Variants in ETS2 observed in about 807,000 individuals in gnomAD.
The protein encoded by ETS2 is ETS proto-oncogene 2, transcription factor.
Under a neutral mutation model 54.9 loss-of-function variants are expected in ETS2, and 19 were observed. The ratio of observed to expected loss-of-function variants is 0.35; its 90% CI spans 0.24 to 0.51. ETS2 has a LOEUF of 0.51. Ranked by LOEUF, ETS2 falls within the 20% of genes least tolerant of loss-of-function variation. The pLI is 0.97. For synonymous variants in ETS2, 219 were observed against 229.3 expected (o/e 0.95, Z 0.41); for missense variants, 417 against 593.0 (o/e 0.70, Z 3.08).
chr21:38,807,907 G>C (rs913382114), intron 1 of ETS2, among the ~76,000 whole-genome samples: 2 of 152,188 alleles, frequency 1.3e-5, no homozygotes, highest in African/African-American at 4.8e-5. Context: ...TCTGTTTGAG[G>C]CTTGTTTATT....
rs2060893402 is a variant in ETS2, at chr21:38,806,445, T to TA, written c.-1+329dup. 1 of 985,492 alleles carries TA rather than the reference T, an allele frequency of 1.0e-6. No individual in the cohort carries two copies. Among genetic ancestry groups the TA allele is most frequent in the East Asian group, 1.1e-4 (1 of 8,786 alleles). The allele number at this position is 985,492 out of a possible 1,614,324, so 61.0% of individuals were successfully genotyped here. Reference sequence around the variant, plus strand: ...GGCTTGTTTCGCTCGCTTTTGTTTTTAAAAGGAAACGCAGGCCTGGTAGGG... The same window carrying TA: ...GGCTTGTTTCGCTCGCTTTTGTTTTTAAAAAGGAAACGCAGGCCTGGTAGGG... On this transcript the variant is annotated intron_variant, in intron 1 of 9. Transcript: ENST00000360938. This position sits in a 1 kb window ranked among gnomAD's most constrained non-coding sequence, Gnocchi z 4.3.
In ETS2 at chr21:38,806,520, G is replaced by C; in HGVS notation, c.-1+400G>C. 1.0e-6 allele frequency: 1 copy of C among 985,506 alleles called. No homozygotes were observed. Among genetic ancestry groups the C allele is most frequent in the South Asian group, 4.7e-5 (1 of 21,296 alleles). The allele number at this position is 985,506 out of a possible 1,614,324, so 61.0% of individuals were successfully genotyped here. ...CGAACATGATTTCGCGAACGGGAGT[G>C]GGGGCACAGGAGAGCGTGTCCGAGG... On this transcript the variant is annotated intron_variant, in intron 1 of 9. Transcript: ENST00000360938. This position sits in a 1 kb window ranked among gnomAD's most constrained non-coding sequence, Gnocchi z 4.3.
chr21:38,810,256 T>C, intron 2 of ETS2, 150 bp downstream of exon 2: 1 of 530,040 alleles, frequency 1.9e-6, no homozygotes, highest in Non-Finnish European at 3.3e-6. Flanking sequence ...GCTTACTTGC[T>C]CTGGTCCTCA....
intron 6 of ETS2, among the ~76,000 whole-genome samples, chr21:38,817,756 G>C (rs961574129): frequency 2.6e-5 from 4 of 152,180 alleles, no homozygotes; most frequent in African/African-American, 9.7e-5. Context: ...GGGGTCCTCG[G>C]AACAGCAGGC....
intron 2 of ETS2, among the ~76,000 whole-genome samples, chr21:38,811,664 C>T (rs1488734054): frequency 1.3e-5 from 2 of 152,166 alleles, no homozygotes; most frequent in African/African-American, 2.4e-5. Flanking sequence ...ATGAGTCTTA[C>T]ATTAAAAGGT....
chr21:38,814,196 TA>T lies in ETS2; in HGVS notation c.185-75del, dbSNP rs1217207376. On this transcript the variant is annotated intron_variant, in intron 3 of 9. Transcript: ENST00000360938. The surrounding 1 kb of genome is among the most constrained non-coding windows in gnomAD (Gnocchi z 4.2). ...ATCAAAATTGTTCTTTTCCAAAAACTAAGATGTCTCTCCTAAATCTCCACCT... is the reference window on the plus strand; with the variant it reads ...ATCAAAATTGTTCTTTTCCAAAAACTAGATGTCTCTCCTAAATCTCCACCT... 2.1e-6 allele frequency: 3 copies of T among 1,457,360 alleles called. No homozygotes were observed. The allele number at this position is 1,457,360 out of a possible 1,614,324, so 90.3% of individuals were successfully genotyped here.
chr21:38,818,370 G>C (rs1357102105), intron 6 of ETS2, 55 bp from the exon 7 acceptor site: 2 of 1,611,004 alleles, frequency 1.2e-6, no homozygotes, highest in Non-Finnish European at 1.7e-6. Context: ...GTAGGGGTTA[G>C]TTACTGGGGT....
In ETS2 at chr21:38,822,681, G is replaced by A. The variant is rs1252271782; in HGVS notation, c.1202G>A (p.Arg401His). ...CATCCATGTTCACCAAAGGTGGCCC[G>A]CCGGTGGGGAAAGAGGAAAAATAAG... ...FKLADPDEVA[R>H]RWGKRKNKPK... The change falls in exon 10 of 10, where the codon CGC (arginine) becomes CAC (histidine). Residue 401 changes from arginine to histidine, a missense_variant. Arg to His is a conservative substitution (Grantham distance 29, BLOSUM62 0). Transcript: ENST00000360938. 2.3e-5 allele frequency: 37 copies of A among 1,613,026 alleles called. No homozygotes were observed. Among genetic ancestry groups the A allele is most frequent in the Non-Finnish European group, 3.0e-5 (35 of 1,179,478 alleles).
At chr21:38,815,258 T>C (rs2060928753) in intron 5 of ETS2, among the ~76,000 whole-genome samples, 1 of 152,112 alleles carries the variant, frequency 6.6e-6, no homozygotes, top group Non-Finnish European at 1.5e-5. Context: ...TTGTTTGCTA[T>C]TGCTGGCTGT....
chr21:38,814,463 T>G lies in ETS2; in HGVS notation c.304+71T>G. ...TTCAGTGCAGTTGTTTGATCTTGAC[T>G]TGTTTATTAAGCTTTTGCTTGGGGT... On this transcript the variant is annotated intron_variant, in intron 4 of 9. Coordinates refer to ENST00000360938, the MANE Select transcript of ETS2 (RefSeq NM_005239.6). The surrounding 1 kb of genome is among the most constrained non-coding windows in gnomAD (Gnocchi z 4.2). The G allele has an allele frequency of 6.3e-7, 1 of 1,577,358 alleles. No individual in the cohort carries two copies.
chr21:38,806,074 A>T lies in ETS2; in HGVS notation c.-47A>T. On this transcript the variant is annotated 5_prime_UTR_variant, in exon 1 of 10. Transcript: ENST00000360938. This position sits in a 1 kb window ranked among gnomAD's most constrained non-coding sequence, Gnocchi z 4.3. ...GCGCACCGAGCAGCCGCGGGCGCCG[A>T]GCAGCCACCGTCCCGACCAAGCGCC... The T allele has an allele frequency of 8.7e-7, 1 of 1,154,416 alleles. No individual in the cohort carries two copies. Among genetic ancestry groups the T allele is most frequent in the Non-Finnish European group, 1.1e-6 (1 of 929,484 alleles). 71.5% of individuals were successfully genotyped at this position (1,154,416 alleles called of 1,614,324 possible). A position where few individuals can be genotyped will look rare whatever the true frequency, so the allele number is the denominator to read the frequency against.
chr21:38,815,202 G>A (rs889167449), intron 5 of ETS2, among the ~76,000 whole-genome samples: 6 of 147,386 alleles, frequency 4.1e-5, no homozygotes, highest in East Asian at 2.0e-4. Flanking sequence ...GTGTGTGTGT[G>A]TATAGCATCA....
At position 38,814,381 on chromosome 21, in the gene ETS2, G is replaced by A. The variant is rs766816665; in HGVS notation, c.293G>A (p.Gly98Asp). The A allele has an allele frequency of 6.2e-7, 1 of 1,614,094 alleles. No homozygotes were observed. The highest frequency in any genetic ancestry group is 8.5e-7 in the Non-Finnish European group (1 of 1,180,024). Residue 98 changes from glycine to aspartate, a missense_variant, in exon 4 of 10, where the codon GGC becomes GAC. Transcript: ENST00000360938. The surrounding 1 kb of genome is among the most constrained non-coding windows in gnomAD (Gnocchi z 4.2). Reference sequence around the variant, plus strand: ...TTCAAAAAGGAACAGCGGCGCCTGGGCATTCCAAAGAGTAAGTACTGCTTT... The same window carrying A: ...TTCAAAAAGGAACAGCGGCGCCTGGACATTCCAAAGAGTAAGTACTGCTTT... ...SGFKKEQRRL[G>D]IPKNPWLWSE...
At chr21:38,820,893 C>G (rs1463693919) in intron 8 of ETS2, among the ~76,000 whole-genome samples, 1 of 152,212 alleles carries the variant, frequency 6.6e-6, no homozygotes, top group Non-Finnish European at 1.5e-5. Flanking sequence ...GGCACCTGGC[C>G]TCTGAGCCGC....
chr21:38,805,926 C>G (rs1322585335), upstream of ETS2: 1 of 1,255,148 alleles, frequency 8.0e-7, no homozygotes, highest in Non-Finnish European at 1.0e-6. This position sits in a 1 kb window ranked among gnomAD's most constrained non-coding sequence, Gnocchi z 5.2. Flanking sequence ...TGGGGGACGG[C>G]CCGGTTACTT....
Position 38,814,500 on chromosome 21 carries a change from AG to A in ETS2, c.304+109del. The A allele has an allele frequency of 7.3e-7, 1 of 1,372,308 alleles. No homozygotes were observed. The highest frequency in any genetic ancestry group is 1.0e-6 in the Non-Finnish European group (1 of 996,294). 85.0% of individuals were successfully genotyped at this position (1,372,308 alleles called of 1,614,324 possible). A position where few individuals can be genotyped will look rare whatever the true frequency, so the allele number is the denominator to read the frequency against. Reference sequence around the variant, plus strand: ...CTTTTGCTTGGGGTATTCTGCAAAGAGTAGCATGGATGTCGTTAACCTGAGC... The same window carrying A: ...CTTTTGCTTGGGGTATTCTGCAAAGATAGCATGGATGTCGTTAACCTGAGC... On this transcript the variant is annotated intron_variant, in intron 4 of 9. Transcript: ENST00000360938. The surrounding 1 kb of genome is among the most constrained non-coding windows in gnomAD (Gnocchi z 4.2).
intron 5 of ETS2, among the ~76,000 whole-genome samples, chr21:38,816,235 T>C (rs951478285): frequency 1.3e-5 from 2 of 152,070 alleles, no homozygotes; most frequent in Non-Finnish European, 2.9e-5. Context: ...CAGCATCAAC[T>C]GTAGACTCAG....
Position 38,806,307 on chromosome 21 carries a change from G to A in ETS2, c.-1+187G>A. On this transcript the variant is annotated intron_variant, in intron 1 of 9. Transcript: ENST00000360938. The surrounding 1 kb of genome is among the most constrained non-coding windows in gnomAD (Gnocchi z 4.3). Reference sequence around the variant, plus strand: ...GCGCGTCTGAGTTCCGCGCCGGCTCGTTTTCCGGTTATGGAGTGGCCTCCG... The same window carrying A: ...GCGCGTCTGAGTTCCGCGCCGGCTCATTTTCCGGTTATGGAGTGGCCTCCG... 1 of 954,720 alleles carries A rather than the reference G, an allele frequency of 1.0e-6. No individual in the cohort carries two copies. Among genetic ancestry groups the A allele is most frequent in the South Asian group, 4.8e-5 (1 of 20,796 alleles). The allele number at this position is 954,720 out of a possible 1,614,324, so 59.1% of individuals were successfully genotyped here. A position where few individuals can be genotyped will look rare whatever the true frequency, so the allele number is the denominator to read the frequency against.
At chr21:38,820,111 A>C (rs372743208) in intron 8 of ETS2, among the ~76,000 whole-genome samples, 4 of 152,340 alleles carry the variant, frequency 2.6e-5, no homozygotes, top group East Asian at 1.9e-4. Flanking sequence ...AAACTGGCTT[A>C]GGGAGGGGCA....
Sources: allele counts gnomAD v4.1 joint callset (sites outside exome capture counted in the v4.1 genomes callset), GRCh38; gene constraint gnomAD v4.1.1; non-coding constraint Gnocchi (gnomAD v3.1); transcripts MANE v1.5; gene names NCBI Gene and HGNC (gene_info 2026-07-23, HGNC 2026-07-21).